The following GALNTL6 variants were observed in gnomAD, a reference collection of about 807,000 sequenced individuals.
GALNTL6 encodes polypeptide N-acetylgalactosaminyltransferase like 6.
GALNTL6 carries 46 observed loss-of-function variants against 73.7 expected under a neutral mutation model. That is an observed-to-expected ratio of 0.62 (90% CI 0.49 to 0.80). The LOEUF (loss-of-function observed/expected upper bound fraction) is 0.80, where lower values mean the gene tolerates loss of function less well. Ranked by LOEUF, GALNTL6 falls within the 30% of genes least tolerant of loss-of-function variation. The probability of loss-of-function intolerance (pLI) is 0.00; values close to 1 mark genes in which losing one functional copy is unlikely to be tolerated. For missense variants in GALNTL6, 604 were observed against 755.0 expected (o/e 0.80, Z 2.34); for synonymous variants, 259 against 263.7 (o/e 0.98, Z 0.17).
chr4:172,540,753 T>C (rs907041777), intron 5 of GALNTL6, among the ~76,000 whole-genome samples: 1 of 152,108 alleles, frequency 6.6e-6, no homozygotes, highest in African/African-American at 2.4e-5. Flanking sequence ...GTTGGGAGAG[T>C]TAAGCTATTA....
chr4:171,897,832 G>A (rs1389239554), intron 2 of GALNTL6, among the ~76,000 whole-genome samples: 1 of 150,736 alleles, frequency 6.6e-6, no homozygotes, highest in African/African-American at 2.4e-5. Flanking sequence ...GGAGGCTGAG[G>A]CAGAGAATTG....
intron 7 of GALNTL6, among the ~76,000 whole-genome samples, chr4:172,848,879 A>G (rs914240387): frequency 1.3e-5 from 2 of 152,172 alleles, no homozygotes; most frequent in African/African-American, 4.8e-5. Context: ...GAAGACTGAG[A>G]GCAGTTACCA....
intron 5 of GALNTL6, among the ~76,000 whole-genome samples, chr4:172,803,845 G>A (rs1233288116): frequency 6.6e-6 from 1 of 152,072 alleles, no homozygotes; most frequent in Admixed American, 6.5e-5. Context: ...CATACTAGAA[G>A]CAATTAAACA....
At chr4:172,277,182 A>G (rs1738862144) in intron 3 of GALNTL6, among the ~76,000 whole-genome samples, 1 of 152,084 alleles carries the variant, frequency 6.6e-6, no homozygotes, top group African/African-American at 2.4e-5. Flanking sequence ...TACACAAACT[A>G]AAAAGAGCAA....
chr4:172,141,751 G>A (rs1029027482), intron 2 of GALNTL6, among the ~76,000 whole-genome samples: 11 of 151,926 alleles, frequency 7.2e-5, no homozygotes, highest in African/African-American at 2.7e-4. Flanking sequence ...ACAAAGCCAA[G>A]TGAAGCCAAA....
At chr4:172,073,730 C>T (rs1579111169) in intron 2 of GALNTL6, among the ~76,000 whole-genome samples, 1 of 152,200 alleles carries the variant, frequency 6.6e-6, no homozygotes, top group Admixed American at 6.5e-5. Flanking sequence ...AAGCTAGAGA[C>T]AGCAGCAGGG....
At chr4:172,791,872 G>C (rs182955522) in intron 5 of GALNTL6, among the ~76,000 whole-genome samples, 11 of 152,316 alleles carry the variant, frequency 7.2e-5, no homozygotes, top group Admixed American at 5.9e-4. Flanking sequence ...CCCAGCAAAA[G>C]AAAGTAAAAA....
chr4:172,786,954 T>C (rs537594160), intron 5 of GALNTL6, among the ~76,000 whole-genome samples: 2 of 152,166 alleles, frequency 1.3e-5, no homozygotes, highest in Non-Finnish European at 2.9e-5. Flanking sequence ...CTGAAAAGTT[T>C]TATTTTCCTT....
intron 2 of GALNTL6, among the ~76,000 whole-genome samples, chr4:172,184,805 C>T (rs927030818): frequency 2.0e-5 from 3 of 152,064 alleles, no homozygotes; most frequent in African/African-American, 7.2e-5. Flanking sequence ...TGAAGAATGG[C>T]AAAAGGTAGA....
chr4:172,708,079 C>T (rs1410553852), intron 5 of GALNTL6, among the ~76,000 whole-genome samples: 3 of 152,084 alleles, frequency 2.0e-5, no homozygotes, highest in Non-Finnish European at 4.4e-5. Context: ...CTTTTTTCTC[C>T]TCGCTTTGTT....
intron 2 of GALNTL6, among the ~76,000 whole-genome samples, chr4:171,864,199 C>A (rs759727184): frequency 8.5e-5 from 13 of 152,132 alleles, no homozygotes; most frequent in Non-Finnish European, 1.5e-4. Flanking sequence ...AATATCTTAT[C>A]TTTAAAGGAA....
At chr4:172,627,643 A>G (rs746980163) in intron 5 of GALNTL6, among the ~76,000 whole-genome samples, 67 of 151,210 alleles carry the variant, frequency 4.4e-4, no homozygotes, top group Non-Finnish European at 8.3e-4. Context: ...TTGCGTTGGT[A>G]GGTTTTTTAT....
At chr4:172,230,507 G>T (rs1179826164) in intron 3 of GALNTL6, among the ~76,000 whole-genome samples, 1 of 151,694 alleles carries the variant, frequency 6.6e-6, no homozygotes, top group Non-Finnish European at 1.5e-5. Flanking sequence ...GAATGGCCCG[G>T]GGGGTGGAGC....
chr4:171,836,485 A>G lies in GALNTL6; in HGVS notation c.138+21767A>G, dbSNP rs1735098296. On this transcript the variant is annotated intron_variant, in intron 2 of 12. Coordinates refer to ENST00000506823, the MANE Select transcript of GALNTL6 (RefSeq NM_001034845.3). Reference sequence around the variant, plus strand: ...ATAATATTTCTACTATCATCTTTGCAAATACAACAGAAAAAATATAACTGA... The same window carrying G: ...ATAATATTTCTACTATCATCTTTGCGAATACAACAGAAAAAATATAACTGA... Among the ~76,000 whole-genome samples the G allele has an allele frequency of 1.3e-5, 2 of 152,144 alleles. 1 individual carries two copies. The highest frequency in any genetic ancestry group is 4.1e-4 in the South Asian group (2 of 4,836).
intron 3 of GALNTL6, among the ~76,000 whole-genome samples, chr4:172,271,790 G>C (rs1371071180): frequency 2.6e-5 from 4 of 151,812 alleles, no homozygotes; most frequent in Non-Finnish European, 5.9e-5. Context: ...ATAACAAACA[G>C]ATATGCATGA....
intron 5 of GALNTL6, among the ~76,000 whole-genome samples, chr4:172,610,508 C>T (rs1369715593): frequency 3.3e-5 from 5 of 151,870 alleles, no homozygotes; most frequent in Admixed American, 2.6e-4. Flanking sequence ...TTTGAGTGAC[C>T]TTCTTGGTAT....
chr4:172,238,088 G>A (rs575363830), intron 3 of GALNTL6, among the ~76,000 whole-genome samples: 1 of 152,176 alleles, frequency 6.6e-6, no homozygotes, highest in South Asian at 2.1e-4. Context: ...GGTTTCATGT[G>A]AATTTTAAAA....
intron 4 of GALNTL6, among the ~76,000 whole-genome samples, chr4:172,321,066 G>T (rs996919340): frequency 1.3e-5 from 2 of 152,120 alleles, no homozygotes; most frequent in African/African-American, 4.8e-5. Context: ...ACAGTATATT[G>T]TTATAATTGT....
chr4:172,763,173 A>G (rs1738216902), intron 5 of GALNTL6, among the ~76,000 whole-genome samples: 1 of 151,922 alleles, frequency 6.6e-6, no homozygotes, highest in Non-Finnish European at 1.5e-5. Context: ...AAGACAGTCG[A>G]GAAGTACATA....
Sources: allele counts gnomAD v4.1 joint callset (sites outside exome capture counted in the v4.1 genomes callset), GRCh38; gene constraint gnomAD v4.1.1; transcripts MANE v1.5; gene names NCBI Gene and HGNC (gene_info 2026-07-23, HGNC 2026-07-21).